The following GNG2 variants were observed in gnomAD, a reference collection of about 807,000 sequenced individuals.
GNG2 encodes guanine nucleotide-binding protein G(I)/G(S)/G(O) subunit gamma-2.
A neutral mutation model predicts 5.5 loss-of-function variants in GNG2; 5 were observed. The observed-to-expected ratio is 0.91, with a 90% CI of 0.48 to 1.92. GNG2 has a LOEUF of 1.92. GNG2 is among the 30% of genes most tolerant of loss of function. The pLI is 0.01. For synonymous variants in GNG2, 28 were observed against 32.0 expected, an observed-to-expected ratio of 0.88 and a Z score of 0.42; for missense variants, 55 against 88.4, an observed-to-expected ratio of 0.62 and a Z score of 1.52.
At chr14:51,878,599 C>T (rs1953861) in intron 2 of GNG2, among the ~76,000 whole-genome samples, 44,801 of 152,052 alleles carry the variant, frequency 0.29, 7,662 homozygotes, top group Non-Finnish European at 0.39. Flanking sequence ...CATCCATTTA[C>T]GCATTCAGCA....
Position 51,968,974 on chromosome 14 carries a change from T to G in GNG2, c.*2287T>G, listed in dbSNP as rs1053928541. On this transcript the variant is annotated 3_prime_UTR_variant, in exon 4 of 4. Coordinates refer to ENST00000556766, the MANE Select transcript of GNG2 (RefSeq NM_053064.5). ...GAAAATGTTTTGGCTTTTTCATAAT[T>G]TTATGTCTTACAGTATGGAATTATA... The G allele has an allele frequency of 6.6e-6, 1 of 152,196 alleles. No homozygotes were observed. Among genetic ancestry groups the G allele is most frequent in the African/African-American group, 2.4e-5 (1 of 41,456 alleles). 9.4% of individuals were successfully genotyped at this position (152,196 alleles called of 1,614,324 possible). A position where few individuals can be genotyped will look rare whatever the true frequency, so the allele number is the denominator to read the frequency against.
At chr14:51,919,314 A>G (rs1234541697) in intron 2 of GNG2, among the ~76,000 whole-genome samples, 1 of 152,244 alleles carries the variant, frequency 6.6e-6, no homozygotes, top group Admixed American at 6.5e-5. Context: ...GTTTAATGCA[A>G]TAATGTGAAA....
At chr14:51,922,451 G>A (rs1887071408) in intron 2 of GNG2, among the ~76,000 whole-genome samples, 1 of 152,140 alleles carries the variant, frequency 6.6e-6, no homozygotes, top group Non-Finnish European at 1.5e-5. Flanking sequence ...GATGGTGGTA[G>A]TTGGCGAGGG....
At chr14:51,880,388 A>G (rs1420071512) in intron 2 of GNG2, among the ~76,000 whole-genome samples, 1 of 152,226 alleles carries the variant, frequency 6.6e-6, no homozygotes, top group African/African-American at 2.4e-5. Context: ...GAACCTCACT[A>G]GAGTGGTATT....
chr14:51,869,713 G>A (rs987740996), intron 1 of GNG2, among the ~76,000 whole-genome samples: 6 of 152,034 alleles, frequency 3.9e-5, no homozygotes, highest in Non-Finnish European at 5.9e-5. Context: ...GGGTTTCACC[G>A]TGTTACCCAG....
At chr14:51,896,424 A>C (rs539526761) in intron 2 of GNG2, among the ~76,000 whole-genome samples, 1 of 152,350 alleles carries the variant, frequency 6.6e-6, no homozygotes, top group South Asian at 2.1e-4. Flanking sequence ...AGAATTGAAT[A>C]GGTGTCTTTC....
chr14:51,859,044 G>T (rs1484777151), upstream of GNG2, among the ~76,000 whole-genome samples: 1 of 152,172 alleles, frequency 6.6e-6, no homozygotes, highest in Non-Finnish European at 1.5e-5. Context: ...TGTTTGGAAG[G>T]CTCAACTGGA....
At chr14:51,934,574 G>A (rs141399466) in intron 2 of GNG2, among the ~76,000 whole-genome samples, 1 of 152,044 alleles carries the variant, frequency 6.6e-6, no homozygotes, top group East Asian at 1.9e-4. Flanking sequence ...AGGCCCGGGG[G>A]GAAATGACTC....
intron 2 of GNG2, among the ~76,000 whole-genome samples, chr14:51,937,621 T>G (rs1159907389): frequency 2.8e-5 from 1 of 35,212 alleles, no homozygotes; most frequent in Admixed American, 4.1e-4. Context: ...AAGAAATACA[T>G]AATTTTTTTT....
chr14:51,890,930 G>A (rs920290205), intron 2 of GNG2, among the ~76,000 whole-genome samples: 8 of 152,168 alleles, frequency 5.3e-5, no homozygotes, highest in Non-Finnish European at 1.0e-4. Context: ...CTAAAGAGAT[G>A]GCTTTGAATT....
intron 2 of GNG2, among the ~76,000 whole-genome samples, chr14:51,903,896 C>T (rs900907434): frequency 7.2e-5 from 11 of 152,176 alleles, no homozygotes; most frequent in Non-Finnish European, 1.2e-4. Context: ...ACAAGGACTC[C>T]AACCTCAGAG....
In GNG2 at chr14:51,902,555, C is replaced by T. The variant is rs143140661; in HGVS notation, c.-30+24898C>T. ...TCACCAGTAATTAAGTAAATGCAAA[C>T]GAAAACAAAAATGAGATATAGTCAT... is the stretch of plus-strand genomic sequence containing the variant. On this transcript the variant is annotated intron_variant, in intron 2 of 3. Coordinates refer to ENST00000556766, the MANE Select transcript of GNG2 (RefSeq NM_053064.5). 7.5e-3 allele frequency among the ~76,000 whole-genome samples: 1,135 copies of T among 151,966 alleles called. 14 individuals are homozygous for T. Among genetic ancestry groups the T allele is most frequent in the African/African-American group, 0.025 (1,040 of 41,412 alleles).
intron 2 of GNG2, among the ~76,000 whole-genome samples, chr14:51,884,800 G>A (rs1364846050): frequency 6.6e-6 from 1 of 152,202 alleles, no homozygotes; most frequent in Non-Finnish European, 1.5e-5. Context: ...GACCACAGGG[G>A]AGGAGACTTG....
At chr14:51,958,705 C>A (rs767959393) in intron 3 of GNG2, among the ~76,000 whole-genome samples, 37 of 152,154 alleles carry the variant, frequency 2.4e-4, no homozygotes, top group Non-Finnish European at 5.0e-4. Context: ...GGTTCCTATA[C>A]TCCTTACCAG....
At chr14:51,855,062 T>C (rs933426265) in intron 2 of GNG2, among the ~76,000 whole-genome samples, 1 of 152,168 alleles carries the variant, frequency 6.6e-6, no homozygotes, top group African/African-American at 2.4e-5. Flanking sequence ...CATCTTTAAC[T>C]CATTCATCAC....
intron 3 of GNG2, among the ~76,000 whole-genome samples, chr14:51,965,464 T>C (rs1281410034): frequency 6.6e-6 from 1 of 152,182 alleles, no homozygotes; most frequent in Non-Finnish European, 1.5e-5. Flanking sequence ...CACGCTCTAA[T>C]GTAGTAAAAA....
chr14:51,838,309 T>C (rs12892876), intron 2 of GNG2, among the ~76,000 whole-genome samples: 34,062 of 151,942 alleles, frequency 0.22, 4,518 homozygotes, highest in African/African-American at 0.36. Flanking sequence ...CCAGGCGTGG[T>C]GGCGTGCACC....
At chr14:51,873,319 A>G (rs1280380468) in intron 1 of GNG2, among the ~76,000 whole-genome samples, 1 of 152,222 alleles carries the variant, frequency 6.6e-6, no homozygotes, top group Non-Finnish European at 1.5e-5. Context: ...AAACACACTC[A>G]TAATCACGGT....
At chr14:51,856,426 T>G (rs988600995), upstream of GNG2, among the ~76,000 whole-genome samples, 2 of 152,150 alleles carry the variant, frequency 1.3e-5, no homozygotes, top group African/African-American at 4.8e-5. Context: ...TTTTAATATT[T>G]CTTTTCTTTT....
Sources: allele counts gnomAD v4.1 joint callset (sites outside exome capture counted in the v4.1 genomes callset), GRCh38; gene constraint gnomAD v4.1.1; transcripts MANE v1.5; gene names NCBI Gene and HGNC (gene_info 2026-07-23, HGNC 2026-07-21).